RICTOR: variants seen among roughly 807,000 people sequenced by gnomAD.
The protein encoded by RICTOR is rapamycin-insensitive companion of mTOR.
In RICTOR, 49 loss-of-function variants were observed where a neutral mutation model predicts 214.9. The observed-to-expected ratio is 0.23, with a 90% CI of 0.18 to 0.29. The LOEUF is 0.29. Among genes scored for constraint, RICTOR ranks in the 10% least tolerant of loss-of-function variants. The pLI, the probability that RICTOR is intolerant of heterozygous loss-of-function variation, is 1.00. For synonymous variants in RICTOR, 717 were observed against 711.3 expected (o/e 1.01, Z -0.13); for missense variants, 1,625 against 2,047.0 (o/e 0.79, Z 3.98).
At chr5:39,005,618 T>C (rs894959104) in intron 3 of RICTOR, among the ~76,000 whole-genome samples, 1 of 152,222 alleles carries the variant, frequency 6.6e-6, no homozygotes, top group African/African-American at 2.4e-5. Context: ...CTGAATGATG[T>C]GGATCATCTC....
chr5:38,943,949 T>C (rs1747891225), intron 36 of RICTOR, among the ~76,000 whole-genome samples: 1 of 152,288 alleles, frequency 6.6e-6, no homozygotes, highest in South Asian at 2.1e-4. Context: ...TAAGCCCACT[T>C]TCCTCAAACT....
In RICTOR at chr5:38,940,959, A is replaced by C. The variant is rs1289130134; in HGVS notation, c.*1345T>G. On this transcript the variant is annotated 3_prime_UTR_variant, in exon 38 of 38. Transcript: ENST00000357387. Reference sequence around the variant, plus strand: ...CACAAATGAATTAAAAAAGAATCCTAATCAGTCCAGCTGGATTTTCTATTT... The same window carrying C: ...CACAAATGAATTAAAAAAGAATCCTCATCAGTCCAGCTGGATTTTCTATTT... The C allele has an allele frequency of 4.3e-6, 1 of 232,582 alleles. No individual in the cohort carries two copies. Among genetic ancestry groups the C allele is most frequent in the Non-Finnish European group, 8.5e-6 (1 of 117,560 alleles). 14.4% of individuals were successfully genotyped at this position (232,582 alleles called of 1,614,324 possible).
At chr5:38,949,170 T>A (rs1348516273) in intron 31 of RICTOR, among the ~76,000 whole-genome samples, 1 of 152,084 alleles carries the variant, frequency 6.6e-6, no homozygotes, top group East Asian at 1.9e-4. Context: ...ACTAGCTTGA[T>A]ATAATCTAAA....
chr5:39,000,758 T>C (rs1440373224), intron 5 of RICTOR, among the ~76,000 whole-genome samples: 3 of 151,990 alleles, frequency 2.0e-5, no homozygotes, highest in Admixed American at 6.6e-5. Flanking sequence ...AACTGAAAAG[T>C]GAATTTGGCA....
At chr5:39,001,249 A>C (rs1753594249) in intron 5 of RICTOR, among the ~76,000 whole-genome samples, 1 of 152,086 alleles carries the variant, frequency 6.6e-6, no homozygotes, top group Non-Finnish European at 1.5e-5. Context: ...AAATATACCA[A>C]CTAAAGAGGA....
chr5:39,029,895 CAT>C (rs1756137542), intron 2 of RICTOR, among the ~76,000 whole-genome samples: 1 of 152,104 alleles, frequency 6.6e-6, no homozygotes, highest in African/African-American at 2.4e-5. Context: ...ACAGAGTAAT[CAT>C]GTGAAATTTA....
At chr5:38,989,494 T>C (rs750070332) in intron 7 of RICTOR, among the ~76,000 whole-genome samples, 2 of 152,080 alleles carry the variant, frequency 1.3e-5, no homozygotes, top group Admixed American at 6.5e-5. Flanking sequence ...AAAGCCAAAA[T>C]TGACAAATGG....
rs367988117 is a variant in RICTOR at position 38,957,704 on chromosome 5, G to A, written c.2447C>T (p.Ser816Phe). Reference sequence around the variant, plus strand: ...TACATAACCTCTTTCATTCAGATAGGAAAATCCTTTTGGAATGGAGAGAAA... The same window carrying A: ...TACATAACCTCTTTCATTCAGATAGAAAAATCCTTTTGGAATGGAGAGAAA... ...LRFLSIPKGF[S>F]YLNERGYVAK... is the part of the protein sequence containing the mutation. The change falls in exon 25 of 38, where the codon TCC becomes TTC. Residue 816 changes from serine to phenylalanine, a missense_variant. Ser to Phe is a radical substitution (Grantham distance 155). Coordinates refer to ENST00000357387, the MANE Select transcript of RICTOR (RefSeq NM_152756.5). 1.0e-5 allele frequency: 16 copies of A among 1,591,110 alleles called. No homozygotes were observed. The highest frequency in any genetic ancestry group is 6.8e-5 in the African/African-American group (5 of 73,968).
chr5:39,056,999 CT>C (rs1758248006), intron 2 of RICTOR, among the ~76,000 whole-genome samples: 2 of 152,094 alleles, frequency 1.3e-5, no homozygotes, highest in Non-Finnish European at 2.9e-5. Flanking sequence ...AATTATCTAC[CT>C]TGCAAATACC....
At chr5:38,990,888 C>A (rs1752726066) in intron 7 of RICTOR, 61 bp downstream of exon 7, 7 of 968,918 alleles carry the variant, frequency 7.2e-6, no homozygotes, top group East Asian at 2.8e-5. Flanking sequence ...ATATATATAT[C>A]TCAAATGTTA....
chr5:39,016,150 G>T (rs1425059745), intron 3 of RICTOR, among the ~76,000 whole-genome samples: 1 of 151,996 alleles, frequency 6.6e-6, no homozygotes, highest in East Asian at 1.9e-4. Flanking sequence ...GCAAAGAAAG[G>T]GGCTGCTACA....
intron 29 of RICTOR, among the ~76,000 whole-genome samples, 169 bp from the exon 30 acceptor site, chr5:38,952,594 C>G (rs905951748): frequency 2.6e-5 from 4 of 151,164 alleles, no homozygotes; most frequent in Non-Finnish European, 5.9e-5. Flanking sequence ...AATAAATTAG[C>G]AGCAATAAAA....
chr5:39,074,090 G>A (rs1217060287), intron 2 of RICTOR, 21 bp downstream of exon 2: 5 of 1,495,502 alleles, frequency 3.3e-6, no homozygotes, highest in Non-Finnish European at 4.5e-6. Context: ...CCCTCGCGGC[G>A]CCCGCGGCGC....
intron 37 of RICTOR, 29 bp from the exon 38 acceptor site, chr5:38,942,407 A>C (rs1467430126): frequency 7.1e-7 from 1 of 1,416,908 alleles, no homozygotes; most frequent in Non-Finnish European, 9.9e-7. Flanking sequence ...ATCATCAATT[A>C]CTTTTATAAA....
intron 2 of RICTOR, among the ~76,000 whole-genome samples, chr5:39,036,788 C>A (rs1158220791): frequency 1.3e-5 from 2 of 152,030 alleles, no homozygotes; most frequent in Non-Finnish European, 2.9e-5. Flanking sequence ...ATATATGCAC[C>A]CAATACAGGA....
At chr5:39,044,879 A>C (rs1437640128) in intron 2 of RICTOR, among the ~76,000 whole-genome samples, 1 of 152,340 alleles carries the variant, frequency 6.6e-6, no homozygotes, top group East Asian at 1.9e-4. Context: ...GCCAGGTTGC[A>C]CTTGCTAGAT....
chr5:38,990,639 C>T (rs59420672), intron 7 of RICTOR, among the ~76,000 whole-genome samples: 78,176 of 82,376 alleles, frequency 0.95, 37,388 homozygotes, highest in East Asian at 0.99. Flanking sequence ...ATATATCTGA[C>T]ATATATCAGA....
At chr5:39,027,735 CA>C (rs1449909070) in intron 2 of RICTOR, among the ~76,000 whole-genome samples, 3 of 152,126 alleles carry the variant, frequency 2.0e-5, no homozygotes, top group Non-Finnish European at 2.9e-5. Context: ...AGCATTTTTA[CA>C]TATCAGTGTT....
At chr5:38,943,040 A>G in intron 36 of RICTOR, 69 bp from the exon 37 acceptor site, 1 of 1,168,010 alleles carries the variant, frequency 8.6e-7, no homozygotes, top group South Asian at 1.3e-5. Context: ...CCAAGGTATC[A>G]CTTACTTTAA....
Sources: gnomAD v4.1 joint callset for allele counts (sites outside exome capture counted in the v4.1 genomes callset) on GRCh38, gnomAD v4.1.1 for gene constraint, MANE v1.5 for transcripts, NCBI Gene and HGNC (gene_info 2026-07-23, HGNC 2026-07-21) for gene names.